LRFN5: variants seen among roughly 807,000 people sequenced by gnomAD.
LRFN5 encodes leucine-rich repeat and fibronectin type-III domain-containing protein 5.
LRFN5 carries 24 observed loss-of-function variants against 45.6 expected under a neutral mutation model. That is an observed-to-expected ratio of 0.53 (90% confidence interval 0.38 to 0.74). LRFN5 has a LOEUF of 0.74. Ranked by LOEUF, LRFN5 falls within the 30% of genes least tolerant of loss-of-function variation. The pLI is 0.00. For synonymous variants in LRFN5, 340 were observed against 313.8 expected, an observed-to-expected ratio of 1.08 and a Z score of -0.88; for missense variants, 776 against 861.5, an observed-to-expected ratio of 0.90 and a Z score of 1.24.
intron 2 of LRFN5, among the ~76,000 whole-genome samples, chr14:41,781,241 G>T (rs1423810405): frequency 6.6e-6 from 1 of 152,048 alleles, no homozygotes; most frequent in East Asian, 1.9e-4. Flanking sequence ...TAGTTCTAAG[G>T]CCAAGTGTGT....
rs1402288324 is a variant in LRFN5, at chr14:41,607,116, C to T, written c.-1643C>T. ...AGGGAGGCGGTGAGCGTGTGCAGAGCTGCCCGAACGGAGGACTATGTATGT... is the reference window on the plus strand; with the variant it reads ...AGGGAGGCGGTGAGCGTGTGCAGAGTTGCCCGAACGGAGGACTATGTATGT... On this transcript the variant is annotated 5_prime_UTR_variant, in exon 1 of 6. Coordinates refer to ENST00000298119, the MANE Select transcript of LRFN5 (RefSeq NM_152447.5). Among the ~76,000 whole-genome samples, 1 of 152,184 alleles carries T rather than the reference C, an allele frequency of 6.6e-6. No homozygotes were observed. Among genetic ancestry groups the T allele is most frequent in the Non-Finnish European group, 1.5e-5 (1 of 68,016 alleles).
intron 1 of LRFN5, among the ~76,000 whole-genome samples, chr14:41,681,943 T>TG (rs1881915300): frequency 6.6e-6 from 1 of 151,876 alleles, no homozygotes; most frequent in South Asian, 2.1e-4. Context: ...CTCAGCCTCC[T>TG]GAGTATCTGG....
At chr14:41,793,429 A>G (rs931721589) in intron 2 of LRFN5, among the ~76,000 whole-genome samples, 2 of 152,074 alleles carry the variant, frequency 1.3e-5, no homozygotes, top group Non-Finnish European at 2.9e-5. Context: ...AAAATTTCAT[A>G]ATATTGTAAC....
chr14:41,801,925 G>C (rs1212770580), intron 2 of LRFN5, among the ~76,000 whole-genome samples: 1 of 152,070 alleles, frequency 6.6e-6, no homozygotes, highest in Non-Finnish European at 1.5e-5. Context: ...ACAAGGAACT[G>C]GGAGGGACCT....
intron 1 of LRFN5, among the ~76,000 whole-genome samples, chr14:41,723,740 C>T (rs1883819308): frequency 6.6e-6 from 1 of 152,124 alleles, no homozygotes; most frequent in Non-Finnish European, 1.5e-5. Context: ...ACAATTCTAG[C>T]ACCTACTACT....
intron 2 of LRFN5, among the ~76,000 whole-genome samples, chr14:41,772,515 AG>A (rs1440348841): frequency 1.3e-5 from 2 of 152,212 alleles, no homozygotes; most frequent in African/African-American, 4.8e-5. Context: ...TGATATCAAA[AG>A]TTAGAGCAAA....
intron 2 of LRFN5, among the ~76,000 whole-genome samples, chr14:41,817,164 A>G (rs1218496738): frequency 6.6e-6 from 1 of 151,912 alleles, no homozygotes; most frequent in Non-Finnish European, 1.5e-5. Context: ...CTCTGCTTAC[A>G]TTGTCTCTGT....
intron 2 of LRFN5, among the ~76,000 whole-genome samples, chr14:41,779,465 T>C (rs925984189): frequency 6.6e-6 from 1 of 151,924 alleles, no homozygotes; most frequent in South Asian, 2.1e-4. Context: ...TCTGTTTTTA[T>C]TATTAGGCTA....
At chr14:41,681,686 G>T (rs1201208793) in intron 1 of LRFN5, among the ~76,000 whole-genome samples, 1 of 151,756 alleles carries the variant, frequency 6.6e-6, no homozygotes, top group Non-Finnish European at 1.5e-5. Context: ...TGAGCAATAA[G>T]AAATCATCTA....
chr14:41,841,371 AAATT>A (rs753118197), intron 2 of LRFN5, among the ~76,000 whole-genome samples: 10 of 151,952 alleles, frequency 6.6e-5, no homozygotes, highest in Non-Finnish European at 1.3e-4. Flanking sequence ...CTGTAGAGAT[AAATT>A]GCCTTGTTTT....
rs1253327693 is a variant in LRFN5, at chr14:41,649,540, A to G, written c.-197+40978A>G. On this transcript the variant is annotated intron_variant, in intron 1 of 5. Coordinates refer to ENST00000298119, the MANE Select transcript of LRFN5 (RefSeq NM_152447.5). ...GAGTCAGGCTTCTGAATCTTCTCCT[A>G]GGCCCATCTGTGCACTTCATTATAA... Among the ~76,000 whole-genome samples, 4 of 152,248 alleles carry G rather than the reference A, an allele frequency of 2.6e-5. No homozygotes were observed. The South Asian group carries it at 6.2e-4, about 24-fold the overall frequency.
At chr14:41,691,907 T>A (rs1882394769) in intron 1 of LRFN5, among the ~76,000 whole-genome samples, 1 of 152,094 alleles carries the variant, frequency 6.6e-6, no homozygotes, top group Non-Finnish European at 1.5e-5. Flanking sequence ...ATATCAGTAT[T>A]TTGCTCCTTT....
chr14:41,725,349 T>C (rs1333474096), intron 1 of LRFN5, among the ~76,000 whole-genome samples: 6 of 152,210 alleles, frequency 3.9e-5, no homozygotes, highest in African/African-American at 1.2e-4. Context: ...CATGGCTTCA[T>C]CTGCTGTTTG....
intron 2 of LRFN5, among the ~76,000 whole-genome samples, chr14:41,819,057 A>C (rs1888021871): frequency 6.6e-6 from 1 of 152,204 alleles, no homozygotes; most frequent in Non-Finnish European, 1.5e-5. Flanking sequence ...ATATTGCTGC[A>C]AAAGGCAAGG....
At chr14:41,806,373 C>T (rs1887525813) in intron 2 of LRFN5, among the ~76,000 whole-genome samples, 1 of 152,072 alleles carries the variant, frequency 6.6e-6, no homozygotes, top group Admixed American at 6.6e-5. Context: ...GGCTAAAAAA[C>T]ATAAAGTGAA....
intron 1 of LRFN5, chr14:41,700,895 G>C (rs1446335847): frequency 2.0e-5 from 3 of 152,054 alleles, no homozygotes; most frequent in Non-Finnish European, 4.4e-5. Context: ...GATGATGGCT[G>C]TGGTGGTAGT....
intron 1 of LRFN5, among the ~76,000 whole-genome samples, chr14:41,710,776 G>A (rs1312263805): frequency 1.3e-5 from 2 of 148,640 alleles, no homozygotes; most frequent in East Asian, 2.0e-4. Flanking sequence ...CCCGTCCCCC[G>A]ACCCCACGAC....
intron 1 of LRFN5, among the ~76,000 whole-genome samples, chr14:41,611,712 A>G (rs1466357569): frequency 1.3e-5 from 2 of 152,098 alleles, no homozygotes; most frequent in Non-Finnish European, 1.5e-5. Context: ...TCCTTCCCTC[A>G]TAGATCTAAT....
At chr14:41,835,259 A>G (rs1040404331) in intron 2 of LRFN5, among the ~76,000 whole-genome samples, 5 of 152,246 alleles carry the variant, frequency 3.3e-5, no homozygotes, top group South Asian at 4.1e-4. Context: ...ACCAGATGGG[A>G]TGGTCATGAT....
Sources: gnomAD v4.1 joint callset for allele counts (sites outside exome capture counted in the v4.1 genomes callset) on GRCh38, gnomAD v4.1.1 for gene constraint, MANE v1.5 for transcripts, NCBI Gene and HGNC (gene_info 2026-07-23, HGNC 2026-07-21) for gene names.